NCALD: variants seen among roughly 807,000 people sequenced by gnomAD.
NCALD encodes neurocalcin delta, also known as neurocalcin-delta.
In NCALD, 10 loss-of-function variants were observed where a neutral mutation model predicts 18.6. The observed-to-expected ratio is 0.54, with a 90% confidence interval of 0.33 to 0.91. The LOEUF is 0.91. Ranked by LOEUF, NCALD falls within the 40% of genes least tolerant of loss-of-function variation. The pLI is 0.03. For missense variants in NCALD, 184 were observed against 247.6 expected, an observed-to-expected ratio of 0.74 and a Z score of 1.72; for synonymous variants, 88 against 87.4, an observed-to-expected ratio of 1.01 and a Z score of -0.04.
chr8:101,700,875 GT>G, intron 2 of NCALD, among the ~76,000 whole-genome samples: 1 of 152,316 alleles, frequency 6.6e-6, no homozygotes, highest in East Asian at 1.9e-4. Context: ...GTGAACATAT[GT>G]GCAAGCAGGG....
At chr8:101,931,328 T>C (rs1341111132) in intron 2 of NCALD, among the ~76,000 whole-genome samples, 2 of 152,190 alleles carry the variant, frequency 1.3e-5, no homozygotes, top group African/African-American at 4.8e-5. Flanking sequence ...AATAGACAAA[T>C]GTCTGGCCTT....
At chr8:101,738,059 G>A (rs549260706) in intron 1 of NCALD, among the ~76,000 whole-genome samples, 2 of 152,264 alleles carry the variant, frequency 1.3e-5, no homozygotes, top group South Asian at 2.1e-4. Context: ...ACTGTCTGTG[G>A]TCATCTTTTC....
chr8:101,688,978 G>T lies in NCALD; in HGVS notation c.*331C>A, dbSNP rs1485563389. 1.3e-5 allele frequency: 9 copies of T among 675,556 alleles called. No homozygotes were observed. The highest frequency in any genetic ancestry group is 5.3e-6 in the Non-Finnish European group (2 of 375,130). The allele number at this position is 675,556 out of a possible 1,614,324, so 41.8% of individuals were successfully genotyped here. On this transcript the variant is annotated 3_prime_UTR_variant, in exon 4 of 4. Transcript: ENST00000220931. ...TGCAATAGAATCACAGGACTGGATG[G>T]GTTTCCCTTCTTTTGCCCCAACCCC...
intron 4 of NCALD, among the ~76,000 whole-genome samples, chr8:101,826,816 A>G (rs1813956165): frequency 6.6e-6 from 1 of 152,236 alleles, no homozygotes; most frequent in Non-Finnish European, 1.5e-5. Flanking sequence ...GAGTGCTATA[A>G]TCACCTTGCC....
At chr8:101,878,501 T>C (rs909942666) in intron 4 of NCALD, among the ~76,000 whole-genome samples, 2 of 152,252 alleles carry the variant, frequency 1.3e-5, no homozygotes, top group Non-Finnish European at 2.9e-5. Flanking sequence ...CACATTTCTC[T>C]CATACAGTCT....
intron 3 of NCALD, chr8:101,691,758 T>C (rs545077178): frequency 3.0e-6 from 3 of 985,340 alleles, no homozygotes; most frequent in African/African-American, 3.5e-5. Context: ...CAGCTGTACC[T>C]GGGCGGGGGA....
intron 4 of NCALD, chr8:101,852,648 G>A (rs1397974208): frequency 6.6e-6 from 1 of 152,194 alleles, no homozygotes; most frequent in Non-Finnish European, 1.5e-5. Flanking sequence ...GCTGTACTGG[G>A]GCAGCGTCCA....
intron 1 of NCALD, among the ~76,000 whole-genome samples, chr8:102,099,897 G>A (rs775563011): frequency 1.5e-4 from 23 of 151,522 alleles, no homozygotes; most frequent in Admixed American, 7.2e-4. Flanking sequence ...ACTTGAACCC[G>A]GGAGACAGAG....
chr8:101,775,042 T>TGC (rs1811736032), intron 1 of NCALD, among the ~76,000 whole-genome samples: 1 of 152,154 alleles, frequency 6.6e-6, no homozygotes, highest in African/African-American at 2.4e-5. Context: ...ATAGGAAACT[T>TGC]GCTCAGGGTT....
intron 2 of NCALD, among the ~76,000 whole-genome samples, chr8:101,920,881 A>C (rs545346650): frequency 6.6e-6 from 1 of 152,326 alleles, no homozygotes; most frequent in South Asian, 2.1e-4. Flanking sequence ...TCTAAAATAA[A>C]AGTTGGAAAA....
chr8:101,715,765 G>A (rs574258592), intron 2 of NCALD, among the ~76,000 whole-genome samples: 1 of 152,276 alleles, frequency 6.6e-6, no homozygotes, highest in Admixed American at 6.5e-5. Context: ...AAACCACAAT[G>A]AGATACCATC....
At chr8:101,979,008 G>A (rs1433310602) in intron 2 of NCALD, among the ~76,000 whole-genome samples, 1 of 152,164 alleles carries the variant, frequency 6.6e-6, no homozygotes, top group Non-Finnish European at 1.5e-5. Context: ...AAGATGGGGA[G>A]CAAACTATTA....
chr8:101,817,449 G>T (rs1485674672), intron 4 of NCALD, among the ~76,000 whole-genome samples: 1 of 152,142 alleles, frequency 6.6e-6, no homozygotes, highest in African/African-American at 2.4e-5. Flanking sequence ...TGTCCGCACA[G>T]TTTCCAAGCC....
rs34318119 is a variant in NCALD at position 101,842,344 on chromosome 8, G to GA, written c.-20+44796dup. On this transcript the variant is annotated intron_variant, in intron 4 of 6. Transcript: ENST00000311028. ...CAAGGAGAGAAGGAAAATAAAAAAG[G>GA]AAAAAAAAACAAGAAGAGGAAGAAA... 7.6e-4 allele frequency among the ~76,000 whole-genome samples: 115 copies of GA among 150,876 alleles called. No homozygotes were observed. The East Asian group carries it at 0.014, about 19-fold the overall frequency.
At chr8:102,055,487 CTA>C (rs1823620408) in intron 1 of NCALD, among the ~76,000 whole-genome samples, 2 of 152,308 alleles carry the variant, frequency 1.3e-5, no homozygotes, top group East Asian at 3.9e-4. Context: ...GGACATAAAA[CTA>C]TACATTTCAC....
chr8:101,833,684 G>A (rs190997550), intron 4 of NCALD, among the ~76,000 whole-genome samples: 1 of 137,168 alleles, frequency 7.3e-6, no homozygotes. Flanking sequence ...CCCCCAGCTC[G>A]GATATCCCCA....
At chr8:101,893,872 G>T (rs1416185251) in intron 3 of NCALD, among the ~76,000 whole-genome samples, 10 of 145,762 alleles carry the variant, frequency 6.9e-5, no homozygotes, top group Admixed American at 1.3e-4. Context: ...AGCAAGTCCT[G>T]AGTGACCTAC....
At chr8:101,915,694 A>G (rs189323499) in intron 3 of NCALD, 56 of 152,314 alleles carry the variant, frequency 3.7e-4, no homozygotes, top group African/African-American at 1.3e-3. Context: ...ACTCCCATTC[A>G]TTATGCTACT....
chr8:101,890,745 A>G (rs1816841915), intron 3 of NCALD, among the ~76,000 whole-genome samples: 2 of 152,192 alleles, frequency 1.3e-5, no homozygotes, highest in Admixed American at 6.5e-5. Flanking sequence ...TGAGAGATAA[A>G]TTTCTATTAG....
Sources: gnomAD v4.1 joint callset for allele counts (sites outside exome capture counted in the v4.1 genomes callset) on GRCh38, gnomAD v4.1.1 for gene constraint, MANE v1.5 for transcripts, NCBI Gene and HGNC (gene_info 2026-07-23, HGNC 2026-07-21) for gene names.